The following MIPOL1 variants were observed in gnomAD, a reference collection of about 807,000 sequenced individuals.
The protein encoded by MIPOL1 is mirror-image polydactyly 1, also known as mirror-image polydactyly gene 1 protein.
Under a neutral mutation model 60.9 loss-of-function variants are expected in MIPOL1, and 57 were observed. The observed-to-expected ratio is 0.94, with a 90% CI of 0.76 to 1.17. The LOEUF (loss-of-function observed/expected upper bound fraction) is 1.17, where lower values mean the gene tolerates loss of function less well. Among genes scored for constraint, MIPOL1 ranks in the 50% most tolerant of loss-of-function variants. MIPOL1 has a pLI of 0.00. For missense variants in MIPOL1, 551 were observed against 511.6 expected (o/e 1.08, Z -0.74); for synonymous variants, 179 against 168.8 (o/e 1.06, Z -0.47).
At chr14:37,344,834 C>T (rs1033829709) in intron 9 of MIPOL1, among the ~76,000 whole-genome samples, 21 of 152,040 alleles carry the variant, frequency 1.4e-4, no homozygotes, top group Admixed American at 5.9e-4. Context: ...GTTCGAGAAC[C>T]AGCTGGGGCA....
intron 9 of MIPOL1, among the ~76,000 whole-genome samples, chr14:37,328,303 C>T (rs2089366540): frequency 6.6e-6 from 1 of 152,144 alleles, no homozygotes; most frequent in South Asian, 2.1e-4. Context: ...GCATAAGCCA[C>T]CACACCCGGC....
chr14:37,535,337 A>G (rs1366308886), intron 12 of MIPOL1, among the ~76,000 whole-genome samples: 2 of 152,192 alleles, frequency 1.3e-5, no homozygotes, highest in African/African-American at 4.8e-5. Flanking sequence ...ACACATATCA[A>G]GTTTTTTCTG....
chr14:37,378,620 C>T (rs542830220), intron 10 of MIPOL1, among the ~76,000 whole-genome samples: 6 of 127,844 alleles, frequency 4.7e-5, no homozygotes, highest in East Asian at 5.6e-4. Flanking sequence ...ACTTATATGC[C>T]GGGGAGGAGG....
chr14:37,207,806 A>G (rs1344026330), intron 1 of MIPOL1, among the ~76,000 whole-genome samples: 3 of 152,094 alleles, frequency 2.0e-5, no homozygotes, highest in Admixed American at 6.5e-5. Flanking sequence ...TCAGCCCCCC[A>G]AAGTGCTGGG....
At chr14:37,462,357 C>A (rs921473309) in intron 11 of MIPOL1, among the ~76,000 whole-genome samples, 1 of 152,180 alleles carries the variant, frequency 6.6e-6, no homozygotes, top group Non-Finnish European at 1.5e-5. Flanking sequence ...GGCTGGCCCA[C>A]AAAACCACTT....
At chr14:37,440,325 C>T (rs556000446) in intron 11 of MIPOL1, among the ~76,000 whole-genome samples, 33 of 152,172 alleles carry the variant, frequency 2.2e-4, no homozygotes, top group Non-Finnish European at 4.1e-4. Flanking sequence ...TCATTACATG[C>T]GCAAATTAAG....
chr14:37,245,763 T>C (rs1973104437), intron 1 of MIPOL1, among the ~76,000 whole-genome samples: 1 of 152,100 alleles, frequency 6.6e-6, no homozygotes, highest in Admixed American at 6.6e-5. Flanking sequence ...AGAAAGGCAA[T>C]GGGATGATAC....
At chr14:37,346,746 A>G (rs138995247) in intron 9 of MIPOL1, among the ~76,000 whole-genome samples, 264 of 152,294 alleles carry the variant, frequency 1.7e-3, no homozygotes, top group Middle Eastern at 6.8e-3. Context: ...TGATATGGCC[A>G]TGCGAGGTGA....
At chr14:37,421,120 G>A (rs935614370) in intron 10 of MIPOL1, among the ~76,000 whole-genome samples, 2 of 152,018 alleles carry the variant, frequency 1.3e-5, no homozygotes, top group Non-Finnish European at 2.9e-5. Flanking sequence ...TTAAGCATGG[G>A]AATTTAAATT....
At chr14:37,304,446 A>G (rs1432297362) in intron 7 of MIPOL1, among the ~76,000 whole-genome samples, 1 of 151,796 alleles carries the variant, frequency 6.6e-6, no homozygotes, top group Non-Finnish European at 1.5e-5. Context: ...AGCTTTTCAG[A>G]TCATGATACC....
intron 10 of MIPOL1, among the ~76,000 whole-genome samples, chr14:37,395,536 G>A (rs1487031336): frequency 6.6e-6 from 1 of 152,096 alleles, no homozygotes; most frequent in Non-Finnish European, 1.5e-5. Context: ...AAGGGGTTGA[G>A]TCATTGATTT....
chr14:37,201,503 A>C (rs1429724684), intron 1 of MIPOL1, among the ~76,000 whole-genome samples: 3 of 152,206 alleles, frequency 2.0e-5, no homozygotes. Context: ...ATATGTAAAA[A>C]TATATAATAT....
At chr14:37,294,499 C>G (rs1452719943) in intron 7 of MIPOL1, among the ~76,000 whole-genome samples, 1 of 152,104 alleles carries the variant, frequency 6.6e-6, no homozygotes, top group South Asian at 2.1e-4. Flanking sequence ...TTCAGAAGAT[C>G]AAACTAGTCC....
At chr14:37,437,597 G>A (rs1392560002) in intron 11 of MIPOL1, among the ~76,000 whole-genome samples, 1 of 151,944 alleles carries the variant, frequency 6.6e-6, no homozygotes, top group African/African-American at 2.4e-5. Flanking sequence ...TCATTCTTTT[G>A]TATGATACAG....
intron 3 of MIPOL1, among the ~76,000 whole-genome samples, chr14:37,249,486 G>GT (rs1973736377): frequency 6.6e-6 from 1 of 152,050 alleles, no homozygotes; most frequent in African/African-American, 2.4e-5. Flanking sequence ...TTTTCTTGCT[G>GT]TTTTTGCACC....
chr14:37,270,380 TG>T, intron 5 of MIPOL1, 39 bp from the exon 6 acceptor site: 1 of 1,078,242 alleles, frequency 9.3e-7, no homozygotes, highest in Non-Finnish European at 1.3e-6. Flanking sequence ...GCAAGACATT[TG>T]TCAAATAAGA....
At chr14:37,441,261 G>A (rs2094240068) in intron 11 of MIPOL1, among the ~76,000 whole-genome samples, 6 of 152,012 alleles carry the variant, frequency 3.9e-5, no homozygotes, top group Admixed American at 2.6e-4. Flanking sequence ...ATTTGTCTAT[G>A]TTGTTGTTGT....
At position 37,517,004 on chromosome 14, in the gene MIPOL1, A is replaced by G. The variant is rs2095374331; in HGVS notation, c.1262+16866A>G. On this transcript the variant is annotated intron_variant, in intron 12 of 12. Transcript: ENST00000684589. ...CTTTTATCTAGAAAGTTACACTAAC[A>G]TATAGAAATTAAGACACTAAAATTC... Among the ~76,000 whole-genome samples the G allele has an allele frequency of 2.0e-5, 3 of 152,208 alleles. No homozygotes were observed. In the South Asian group the frequency reaches 6.2e-4, roughly 31 times the overall value.
chr14:37,278,195 G>A (rs1397148571), intron 6 of MIPOL1: 1 of 151,508 alleles, frequency 6.6e-6, no homozygotes. Context: ...CAGAAACATC[G>A]AACTAATTTG....
Sources: allele counts gnomAD v4.1 joint callset (sites outside exome capture counted in the v4.1 genomes callset), GRCh38; gene constraint gnomAD v4.1.1; transcripts MANE v1.5; gene names NCBI Gene and HGNC (gene_info 2026-07-23, HGNC 2026-07-21).